Variants in TEX2 observed in about 807,000 individuals in gnomAD.
TEX2 encodes the protein testis-expressed protein 2.
Under a neutral mutation model 106.9 loss-of-function variants are expected in TEX2, and 53 were observed. That is an observed-to-expected ratio of 0.50 (90% CI 0.40 to 0.62). TEX2 has a LOEUF of 0.62. TEX2 is among the 20% of genes least tolerant of loss of function. The pLI is 0.00. For synonymous variants in TEX2, 523 were observed against 534.8 expected (o/e 0.98, Z 0.30); for missense variants, 1,207 against 1,379.0 (o/e 0.88, Z 1.98).
intron 5 of TEX2, among the ~76,000 whole-genome samples, chr17:64,186,179 T>C (rs1240309161): frequency 1.3e-5 from 2 of 152,230 alleles, no homozygotes; most frequent in African/African-American, 2.4e-5. Flanking sequence ...TTAACGTCAG[T>C]GCACAATTCT....
intron 1 of TEX2, among the ~76,000 whole-genome samples, chr17:64,234,062 C>T (rs1243992339): frequency 6.6e-6 from 1 of 151,860 alleles, no homozygotes; most frequent in Non-Finnish European, 1.5e-5. Flanking sequence ...GAGCAGAAGG[C>T]AGAAATAAGG....
chr17:64,222,574 G>A (rs1030100634), intron 1 of TEX2, among the ~76,000 whole-genome samples: 4 of 149,600 alleles, frequency 2.7e-5, no homozygotes, highest in African/African-American at 9.8e-5. Context: ...ACTGCTTAAG[G>A]CTAGGAGTTT....
intron 1 of TEX2, among the ~76,000 whole-genome samples, chr17:64,236,271 ATTAT>A (rs2143358962): frequency 6.6e-6 from 1 of 152,354 alleles, no homozygotes; most frequent in African/African-American, 2.4e-5. Flanking sequence ...TAATCTAGAG[ATTAT>A]TTAAAGTATA....
intron 10 of TEX2, among the ~76,000 whole-genome samples, chr17:64,151,559 C>T (rs1184947188): frequency 6.6e-6 from 1 of 152,172 alleles, no homozygotes; most frequent in Non-Finnish European, 1.5e-5. Context: ...CCAGACAAGA[C>T]CCTGTATGCT....
Position 64,180,841 on chromosome 17 carries a change from T to C in TEX2, c.2425-3370A>G, listed in dbSNP as rs1705040541. ...CTAAAGTAGGACAGATTTACTGAAG[T>C]CTGTGGTGTAACATTTCCTATTACA... On this transcript the variant is annotated intron_variant, in intron 5 of 11. Transcript: ENST00000584379. Among the ~76,000 whole-genome samples, 4 of 152,328 alleles carry C rather than the reference T, an allele frequency of 2.6e-5. No homozygotes were observed. In the South Asian group the frequency reaches 8.3e-4, roughly 32 times the overall value.
At chr17:64,241,418 C>T (rs1156398937) in intron 1 of TEX2, among the ~76,000 whole-genome samples, 1 of 152,190 alleles carries the variant, frequency 6.6e-6, no homozygotes, top group African/African-American at 2.4e-5. Context: ...CACCAAAGTC[C>T]TAACTCCTCA....
intron 7 of TEX2, among the ~76,000 whole-genome samples, chr17:64,164,433 G>T (rs967027700): frequency 5.2e-5 from 7 of 134,882 alleles, no homozygotes; most frequent in Non-Finnish European, 8.0e-5. Flanking sequence ...AGAAGAAGAA[G>T]AAAAAAAAAA....
chr17:64,154,695 C>G, intron 9 of TEX2, 147 bp downstream of exon 9: 1 of 1,052,948 alleles, frequency 9.5e-7, no homozygotes, highest in Non-Finnish European at 1.3e-6. Flanking sequence ...AAACAGACCA[C>G]TGACCTGGGA....
In TEX2 at chr17:64,181,471, TCAAAA is replaced by T. The variant is rs1369541380; in HGVS notation, c.2425-4005_2425-4001del. ...ACCCTGGCCACAGAGCAAGGCTATC[TCAAAA>T]AAAAAAAAAAAAAAAAAAAAAAGCA... is the stretch of plus-strand genomic sequence containing the variant. On this transcript the variant is annotated intron_variant, in intron 5 of 11. Coordinates refer to ENST00000584379, the MANE Select transcript of TEX2 (RefSeq NM_001288732.2). Among the ~76,000 whole-genome samples the T allele has an allele frequency of 7.6e-3, 894 of 117,410 alleles. 85 individuals carry two copies. Among genetic ancestry groups the T allele is most frequent in the African/African-American group, 0.018 (563 of 30,660 alleles). 77.0% of individuals were successfully genotyped at this position (117,410 alleles called of 152,430 possible).
chr17:64,213,268 C>T lies in TEX2; in HGVS notation c.950G>A (p.Arg317Lys). 6.2e-7 allele frequency: 1 copy of T among 1,614,148 alleles called. No individual in the cohort carries two copies. Among genetic ancestry groups the T allele is most frequent in the Non-Finnish European group, 8.5e-7 (1 of 1,180,032 alleles). The change falls in exon 2 of 12, where the codon AGG (arginine) becomes AAG (lysine). Residue 317 changes from arginine to lysine, a missense_variant. By Grantham distance (26) the Arg-to-Lys change is conservative (BLOSUM62 2). Coordinates refer to ENST00000584379, the MANE Select transcript of TEX2 (RefSeq NM_001288732.2). This position sits in a 1 kb window ranked among gnomAD's most constrained non-coding sequence, Gnocchi z 4.4. ...KIIGEESGSH[R>K]PKALSSSASE... ...AGCACTTGAAGATAAGGCTTTGGGC[C>T]TATGGCTGCCACTTTCTTCCCCTAT... is the stretch of plus-strand genomic sequence containing the variant.
chr17:64,245,797 A>AG (rs11464589), intron 1 of TEX2, among the ~76,000 whole-genome samples: 122,625 of 152,136 alleles, frequency 0.81, 49,624 homozygotes, highest in Middle Eastern at 0.89. Flanking sequence ...GGGAGCCCCC[A>AG]GCACAACAGA....
chr17:64,163,210 C>T lies in TEX2; in HGVS notation c.2672-2277G>A, dbSNP rs201945441. ...TACGATCTTGGCTGACTGCAACCTC[C>T]GCCTCCCAGGCTCAAGTGATCCTCC... is the stretch of plus-strand genomic sequence containing the variant. On this transcript the variant is annotated intron_variant, in intron 7 of 11. Transcript: ENST00000584379. Among the ~76,000 whole-genome samples, 49 of 152,258 alleles carry T rather than the reference C, an allele frequency of 3.2e-4. 1 individual carries two copies. In the East Asian group the frequency reaches 7.1e-3, roughly 22 times the overall value.
At chr17:64,179,322 G>A (rs2031742284) in intron 5 of TEX2, among the ~76,000 whole-genome samples, 1 of 152,188 alleles carries the variant, frequency 6.6e-6, no homozygotes, top group Non-Finnish European at 1.5e-5. Flanking sequence ...CCTAAAAGTA[G>A]CCAATCGCAG....
intron 1 of TEX2, among the ~76,000 whole-genome samples, chr17:64,221,441 G>C (rs980634194): frequency 6.6e-6 from 1 of 152,154 alleles, no homozygotes; most frequent in Non-Finnish European, 1.5e-5. Context: ...CAAGCACATG[G>C]AAAGATGCTC....
intron 5 of TEX2, among the ~76,000 whole-genome samples, chr17:64,178,498 T>C (rs4479316): frequency 0.027 from 4,171 of 152,148 alleles, 77 homozygotes; most frequent in Non-Finnish European, 0.042. Flanking sequence ...TAGAAATGAG[T>C]GCAGCGCCTG....
At position 64,205,357 on chromosome 17, in the gene TEX2, C is replaced by T. The variant is rs1212152702; in HGVS notation, c.1644+7217G>A. 6.6e-6 allele frequency among the ~76,000 whole-genome samples: 1 copy of T among 152,124 alleles called. No individual in the cohort carries two copies. Among genetic ancestry groups the T allele is most frequent in the Non-Finnish European group, 1.5e-5 (1 of 68,022 alleles). ...ACAAACATCTCACCTGAAAACTATT[C>T]TACAAGGGGCACTGGGAAATAGCCA... is the stretch of plus-strand genomic sequence containing the variant. On this transcript the variant is annotated intron_variant, in intron 2 of 11. Coordinates refer to ENST00000584379, the MANE Select transcript of TEX2 (RefSeq NM_001288732.2). This position sits in a 1 kb window ranked among gnomAD's most constrained non-coding sequence, Gnocchi z 4.0.
At chr17:64,226,419 A>G (rs1555633901) in intron 1 of TEX2, among the ~76,000 whole-genome samples, 1 of 152,244 alleles carries the variant, frequency 6.6e-6, no homozygotes, top group East Asian at 1.9e-4. Flanking sequence ...CTTGTAAGTC[A>G]GATAAATTCC....
At position 64,195,064 on chromosome 17, in the gene TEX2, G is replaced by A. The variant is rs781585168; in HGVS notation, c.1676C>T (p.Pro559Leu). Residue 559 changes from proline to leucine, a missense_variant, in exon 3 of 12, where the codon CCA (proline) becomes CTA (leucine). Pro to Leu is a moderately conservative substitution (Grantham distance 98, BLOSUM62 -3). Transcript: ENST00000584379. The surrounding 1 kb of genome is among the most constrained non-coding windows in gnomAD (Gnocchi z 4.1). ...TGTCAAAGTCGCATGGTAGGTTTCT[G>A]GATCATAGTTGTAAATCTCATTCAT... ...GWMNEIYNYD[P>L]ETYHATLTHS... 1.2e-6 allele frequency: 2 copies of A among 1,614,100 alleles called. No individual in the cohort carries two copies. Among genetic ancestry groups the A allele is most frequent in the Admixed American group, 3.3e-5 (2 of 60,016 alleles).
In TEX2 at chr17:64,193,897, G is replaced by A; in HGVS notation, c.1846-8C>T. ...TTTAGGTACAAGATAAATCTACAGAGAAAGAAAAATGATGATTTATATATT... is the reference window on the plus strand; with the variant it reads ...TTTAGGTACAAGATAAATCTACAGAAAAAGAAAAATGATGATTTATATATT... On this transcript the variant is annotated splice_region_variant and splice_polypyrimidine_tract_variant and intron_variant, in intron 3 of 11. Coordinates refer to ENST00000584379, the MANE Select transcript of TEX2 (RefSeq NM_001288732.2). The A allele has an allele frequency of 6.7e-7, 1 of 1,502,688 alleles. No individual in the cohort carries two copies. The highest frequency in any genetic ancestry group is 8.9e-7 in the Non-Finnish European group (1 of 1,120,960). 93.1% of individuals were successfully genotyped at this position (1,502,688 alleles called of 1,614,324 possible).
Sources: allele counts gnomAD v4.1 joint callset (sites outside exome capture counted in the v4.1 genomes callset), GRCh38; gene constraint gnomAD v4.1.1; non-coding constraint Gnocchi (gnomAD v3.1); transcripts MANE v1.5; gene names NCBI Gene and HGNC (gene_info 2026-07-23, HGNC 2026-07-21).